CATSPERB: variants seen among roughly 807,000 people sequenced by gnomAD.
The protein encoded by CATSPERB is cation channel sperm-associated auxiliary subunit beta.
Under a neutral mutation model 128.3 loss-of-function variants are expected in CATSPERB, and 93 were observed. The observed-to-expected ratio is 0.72, with a 90% CI of 0.61 to 0.86. The LOEUF is 0.86. CATSPERB is among the 40% of genes least tolerant of loss of function. CATSPERB has a pLI of 0.00. For synonymous variants in CATSPERB, 381 were observed against 448.8 expected, an observed-to-expected ratio of 0.85 and a Z score of 1.91; for missense variants, 1,153 against 1,329.5, an observed-to-expected ratio of 0.87 and a Z score of 2.06.
chr14:91,589,695 T>C (rs756693451), intron 23 of CATSPERB, 26 bp from the exon 24 acceptor site: 10 of 1,603,928 alleles, frequency 6.2e-6, no homozygotes, highest in South Asian at 1.1e-5. Context: ...CAAGAATGAA[T>C]GTAAACTTGG....
At chr14:91,656,231 A>G (rs374537357) in intron 15 of CATSPERB, among the ~76,000 whole-genome samples, 2 of 152,178 alleles carry the variant, frequency 1.3e-5, no homozygotes, top group African/African-American at 4.8e-5. Flanking sequence ...GCAATAAGAA[A>G]TCATCTGAAG....
intron 22 of CATSPERB, among the ~76,000 whole-genome samples, chr14:91,599,204 C>T (rs564993939): frequency 6.6e-6 from 1 of 152,252 alleles, no homozygotes; most frequent in Non-Finnish European, 1.5e-5. Context: ...CATTCAGAAC[C>T]CCTTCGTGGT....
At position 91,595,019 on chromosome 14, in the gene CATSPERB, T is replaced by C. The variant is rs1361735849; in HGVS notation, c.2710-3017A>G. ...TTGAAGACTTGTAGTCAAGAAAAAT[T>C]AGAATTCAGTCCAAACTATAGAAAA... On this transcript the variant is annotated intron_variant, in intron 22 of 26. Coordinates refer to ENST00000256343, the MANE Select transcript of CATSPERB (RefSeq NM_024764.4). 4.6e-5 allele frequency among the ~76,000 whole-genome samples: 7 copies of C among 151,966 alleles called. No individual in the cohort carries two copies. In the East Asian group the frequency reaches 1.3e-3, roughly 29 times the overall value.
At chr14:91,596,668 T>C (rs139534877) in intron 22 of CATSPERB, among the ~76,000 whole-genome samples, 16 of 152,312 alleles carry the variant, frequency 1.1e-4, no homozygotes, top group African/African-American at 3.4e-4. Context: ...TGATTATTAC[T>C]GATAATGTAC....
At chr14:91,642,881 T>C (rs1473964696) in intron 15 of CATSPERB, among the ~76,000 whole-genome samples, 1 of 140,992 alleles carries the variant, frequency 7.1e-6, no homozygotes, top group Non-Finnish European at 1.5e-5. Context: ...TTGCCACAAT[T>C]TCAGCTCCTG....
chr14:91,669,595 C>CGT (rs1250599410), intron 14 of CATSPERB, among the ~76,000 whole-genome samples: 4 of 152,190 alleles, frequency 2.6e-5, no homozygotes, highest in Admixed American at 1.3e-4. Flanking sequence ...CTCTGATGTA[C>CGT]CCATGGCTCA....
intron 24 of CATSPERB, among the ~76,000 whole-genome samples, chr14:91,588,509 G>T (rs181777349): frequency 6.6e-6 from 1 of 152,128 alleles, no homozygotes; most frequent in East Asian, 1.9e-4. Flanking sequence ...TTTATAATAA[G>T]GTGGCAGTAA....
chr14:91,659,424 C>G (rs1894838093), intron 15 of CATSPERB, among the ~76,000 whole-genome samples: 2 of 152,162 alleles, frequency 1.3e-5, no homozygotes. Context: ...GAGATGAGAG[C>G]AGTGTATCAT....
chr14:91,607,474 G>A (rs1008189923), intron 22 of CATSPERB, among the ~76,000 whole-genome samples: 25 of 152,212 alleles, frequency 1.6e-4, no homozygotes, highest in Non-Finnish European at 1.6e-4. Context: ...TGAAGGCCAC[G>A]GGGTGGAAAT....
chr14:91,625,685 C>G (rs1323738732), intron 17 of CATSPERB, among the ~76,000 whole-genome samples: 1 of 152,150 alleles, frequency 6.6e-6, no homozygotes, highest in East Asian at 1.9e-4. Context: ...TTTCAATTAT[C>G]TTAATATTTT....
chr14:91,610,120 G>C (rs1045185646), intron 21 of CATSPERB, among the ~76,000 whole-genome samples: 1 of 152,030 alleles, frequency 6.6e-6, no homozygotes, highest in Non-Finnish European at 1.5e-5. Context: ...AAAAAAATCC[G>C]CATGTAAGTG....
chr14:91,665,598 G>C (rs555156672), intron 14 of CATSPERB, among the ~76,000 whole-genome samples: 6 of 152,210 alleles, frequency 3.9e-5, no homozygotes, highest in African/African-American at 1.4e-4. Context: ...GGCTGGGTGT[G>C]GTGGCTTATG....
chr14:91,727,976 CTCTT>C (rs1332747259), intron 2 of CATSPERB, among the ~76,000 whole-genome samples: 1 of 152,250 alleles, frequency 6.6e-6, no homozygotes, highest in Non-Finnish European at 1.5e-5. Flanking sequence ...CCGCTAGACA[CTCTT>C]TCAATAGTTA....
At chr14:91,594,338 G>A (rs549511481) in intron 22 of CATSPERB, among the ~76,000 whole-genome samples, 1 of 151,682 alleles carries the variant, frequency 6.6e-6, no homozygotes, top group Non-Finnish European at 1.5e-5. Flanking sequence ...GGGGTGGGGG[G>A]ATGGGGGAGG....
At chr14:91,604,765 G>A (rs1893668745) in intron 22 of CATSPERB, 4 of 1,613,648 alleles carry the variant, frequency 2.5e-6, no homozygotes, top group Admixed American at 3.3e-5. Flanking sequence ...TGTTCACCAG[G>A]CATCCCCAGT....
chr14:91,701,892 C>A, intron 7 of CATSPERB, among the ~76,000 whole-genome samples: 1 of 133,158 alleles, frequency 7.5e-6, no homozygotes, highest in Non-Finnish European at 1.6e-5. Flanking sequence ...GCCTGGGCAA[C>A]AGAGAGAGAC....
At chr14:91,630,656 T>C (rs1894259354) in intron 17 of CATSPERB, among the ~76,000 whole-genome samples, 1 of 152,214 alleles carries the variant, frequency 6.6e-6, no homozygotes, top group South Asian at 2.1e-4. Context: ...CTGCACCTGC[T>C]CCAGCACCAT....
intron 19 of CATSPERB, among the ~76,000 whole-genome samples, chr14:91,618,820 G>A (rs376173485): frequency 6.6e-6 from 1 of 152,190 alleles, no homozygotes; most frequent in East Asian, 1.9e-4. Flanking sequence ...TTAAACCAAA[G>A]TGACCTGGCC....
At chr14:91,610,375 T>C in intron 21 of CATSPERB, 105 bp downstream of exon 21, 2 of 815,218 alleles carry the variant, frequency 2.5e-6, no homozygotes, top group East Asian at 5.0e-5. Flanking sequence ...GTGAAGTGTT[T>C]TGAGCCACTC....
Sources: allele counts gnomAD v4.1 joint callset (sites outside exome capture counted in the v4.1 genomes callset), GRCh38; gene constraint gnomAD v4.1.1; transcripts MANE v1.5; gene names NCBI Gene and HGNC (gene_info 2026-07-23, HGNC 2026-07-21).